INO80C: variants seen among roughly 807,000 people sequenced by gnomAD.
INO80C encodes INO80 complex subunit C.
INO80C carries 17 observed loss-of-function variants against 17.7 expected under a neutral mutation model. The ratio of observed to expected loss-of-function variants is 0.96; its 90% CI spans 0.66 to 1.44. INO80C has a LOEUF of 1.44. Ranked by LOEUF, INO80C falls within the 40% of genes most tolerant of loss-of-function variation. The pLI is 0.00. For missense variants in INO80C, 244 were observed against 245.0 expected, an observed-to-expected ratio of 1.00 and a Z score of 0.03; for synonymous variants, 96 against 95.8, an observed-to-expected ratio of 1.00 and a Z score of -0.01.
chr18:35,472,262 CTGT>C (rs919085553), intron 4 of INO80C, among the ~76,000 whole-genome samples: 27 of 152,296 alleles, frequency 1.8e-4, no homozygotes, highest in Admixed American at 7.8e-4. Context: ...TCTCCAGCAC[CTGT>C]TGTTTCCTGA....
chr18:35,489,991 G>A (rs1242047096), intron 1 of INO80C, among the ~76,000 whole-genome samples: 2 of 151,154 alleles, frequency 1.3e-5, no homozygotes, highest in African/African-American at 4.9e-5. Flanking sequence ...AATATTTAGA[G>A]GATTAAAAAA....
chr18:35,482,309 T>C (rs139090073), intron 1 of INO80C, among the ~76,000 whole-genome samples: 1 of 152,362 alleles, frequency 6.6e-6, no homozygotes, highest in Non-Finnish European at 1.5e-5. Flanking sequence ...AGCAACTTAT[T>C]CTGGTTCCCT....
intron 4 of INO80C, among the ~76,000 whole-genome samples, chr18:35,473,710 C>G (rs1000098530): frequency 3.3e-5 from 5 of 152,112 alleles, no homozygotes; most frequent in Non-Finnish European, 7.4e-5. Flanking sequence ...CTAGCTCAGG[C>G]AACAGAAAGG....
intron 1 of INO80C, among the ~76,000 whole-genome samples, chr18:35,497,038 T>TC (rs1464711204): frequency 2.0e-5 from 3 of 152,212 alleles, no homozygotes; most frequent in African/African-American, 7.2e-5. Context: ...ACACTCTATC[T>TC]CTGCTTTTTT....
chr18:35,485,774 A>G lies in INO80C; in HGVS notation c.157-5211T>C, dbSNP rs540392042. ...GTACACAAATATTCATAGCAGCATT[A>G]TTCATAATTGCCAAAAGGCATAAAC... On this transcript the variant is annotated intron_variant, in intron 1 of 4. Coordinates refer to ENST00000334598, the MANE Select transcript of INO80C (RefSeq NM_194281.4). Among the ~76,000 whole-genome samples, 5 of 152,348 alleles carry G rather than the reference A, an allele frequency of 3.3e-5. No individual in the cohort carries two copies. In the South Asian group the frequency reaches 1.0e-3, roughly 32 times the overall value.
At chr18:35,488,708 C>T (rs892550186) in intron 1 of INO80C, among the ~76,000 whole-genome samples, 2 of 152,228 alleles carry the variant, frequency 1.3e-5, no homozygotes, top group African/African-American at 4.8e-5. Flanking sequence ...ACTGCTTATG[C>T]AAATTTCTGC....
intron 1 of INO80C, chr18:35,483,444 C>T (rs1277561629): frequency 6.6e-6 from 1 of 152,134 alleles, no homozygotes; most frequent in Non-Finnish European, 1.5e-5. Flanking sequence ...CTTTATGATA[C>T]ACGCAGGGAA....
chr18:35,486,141 A>G (rs1349335295), intron 1 of INO80C, among the ~76,000 whole-genome samples: 1 of 152,212 alleles, frequency 6.6e-6, no homozygotes, highest in Non-Finnish European at 1.5e-5. Flanking sequence ...ATAAAACACA[A>G]AATGTAGTAT....
chr18:35,496,061 G>C (rs1343461016), intron 1 of INO80C, among the ~76,000 whole-genome samples: 1 of 152,178 alleles, frequency 6.6e-6, no homozygotes, highest in Non-Finnish European at 1.5e-5. Flanking sequence ...ATACTTTGCC[G>C]GTAAGAATGC....
intron 1 of INO80C, 27 bp downstream of exon 1, chr18:35,497,692 G>C: frequency 6.2e-7 from 1 of 1,600,748 alleles, no homozygotes; most frequent in Non-Finnish European, 8.5e-7. Context: ...CGACGCGCAC[G>C]CGCAGCCTGG....
intron 1 of INO80C, among the ~76,000 whole-genome samples, chr18:35,484,483 T>A (rs901105905): frequency 6.6e-6 from 1 of 152,204 alleles, no homozygotes; most frequent in Non-Finnish European, 1.5e-5. Flanking sequence ...TCTGCATCCA[T>A]GGATTCAAGC....
intron 4 of INO80C, among the ~76,000 whole-genome samples, chr18:35,476,572 G>A (rs1014014106): frequency 1.3e-5 from 2 of 152,064 alleles, no homozygotes; most frequent in African/African-American, 2.4e-5. Context: ...AGAGAAGGCA[G>A]AAAAAGGGAA....
At chr18:35,468,768 G>T in intron 4 of INO80C, 26 bp from the exon 5 acceptor site, 1 of 1,604,634 alleles carries the variant, frequency 6.2e-7, no homozygotes, top group Non-Finnish European at 8.5e-7. Context: ...CACAGGGAAG[G>T]GCAGAAAGTT....
Position 35,468,387 on chromosome 18 carries a change from C to T in INO80C, c.*224G>A, listed in dbSNP as rs560302860. 619 of 1,368,900 alleles carry T rather than the reference C, an allele frequency of 4.5e-4. No individual in the cohort carries two copies. Among genetic ancestry groups the T allele is most frequent in the South Asian group, 1.5e-3 (88 of 58,586 alleles). The allele number at this position is 1,368,900 out of a possible 1,614,324, so 84.8% of individuals were successfully genotyped here. On this transcript the variant is annotated 3_prime_UTR_variant, in exon 5 of 5. Transcript: ENST00000334598. ...TCTTGTCAAACACCTTTACTTGAGG[C>T]AACAACTGAAGTATAATTTAATTCA...
At chr18:35,495,570 A>G (rs1228038115) in intron 1 of INO80C, among the ~76,000 whole-genome samples, 2 of 152,180 alleles carry the variant, frequency 1.3e-5, no homozygotes, top group Non-Finnish European at 2.9e-5. Flanking sequence ...ATATTGGATT[A>G]CTGGGAATTT....
chr18:35,488,195 C>T (rs944022887), intron 1 of INO80C, among the ~76,000 whole-genome samples: 2 of 152,212 alleles, frequency 1.3e-5, no homozygotes, highest in Admixed American at 6.5e-5. Context: ...CTCTGAAGGA[C>T]GGTGGCTCTC....
At chr18:35,495,860 G>C (rs2045975738) in intron 1 of INO80C, among the ~76,000 whole-genome samples, 1 of 151,950 alleles carries the variant, frequency 6.6e-6, no homozygotes, top group Non-Finnish European at 1.5e-5. Flanking sequence ...AAAATAATTA[G>C]GCACTCCACA....
rs1238538498 is a variant in INO80C, at chr18:35,475,575, T to A, written c.447+2707A>T. Reference sequence around the variant, plus strand: ...GCCCCAGTTACTTGGGAGGCTGAGGTAGATGCATCACCTGAGCCTGGGAGG... The same window carrying A: ...GCCCCAGTTACTTGGGAGGCTGAGGAAGATGCATCACCTGAGCCTGGGAGG... On this transcript the variant is annotated intron_variant, in intron 4 of 4. Coordinates refer to ENST00000334598, the MANE Select transcript of INO80C (RefSeq NM_194281.4). Among the ~76,000 whole-genome samples the A allele has an allele frequency of 2.6e-5, 4 of 151,444 alleles. 1 individual carries two copies.
At chr18:35,497,552 C>T (rs2045996568) in intron 1 of INO80C, 167 bp downstream of exon 1, 1 of 1,414,726 alleles carries the variant, frequency 7.1e-7, no homozygotes, top group Admixed American at 3.1e-5. Context: ...CCCATGTGTC[C>T]AAACGAAGGG....
Sources: gnomAD v4.1 joint callset for allele counts (sites outside exome capture counted in the v4.1 genomes callset) on GRCh38, gnomAD v4.1.1 for gene constraint, MANE v1.5 for transcripts, NCBI Gene and HGNC (gene_info 2026-07-23, HGNC 2026-07-21) for gene names.